Variants in PAX7 observed in about 807,000 individuals in gnomAD.
The protein encoded by PAX7 is paired box protein Pax-7.
A neutral mutation model predicts 50.7 loss-of-function variants in PAX7; 18 were observed. The ratio of observed to expected loss-of-function variants is 0.36; its 90% CI spans 0.25 to 0.53. PAX7 has a LOEUF of 0.53. PAX7 is among the 20% of genes least tolerant of loss of function. The pLI is 0.93. For synonymous variants in PAX7, 310 were observed against 290.4 expected (o/e 1.07, Z -0.69); for missense variants, 644 against 702.9 (o/e 0.92, Z 0.95).
chr1:18,700,577 C>A lies in PAX7; in HGVS notation c.787-76C>A. On this transcript the variant is annotated intron_variant, in intron 5 of 8. Transcript: ENST00000420770. The surrounding 1 kb of genome is among the most constrained non-coding windows in gnomAD (Gnocchi z 4.8). ...GATCAGAGGGTGATGGCTTGGGCAA[C>A]TGGGTCTACATGTGTTGCAGCTCTC... The A allele has an allele frequency of 7.4e-7, 1 of 1,356,270 alleles. No homozygotes were observed. The highest frequency in any genetic ancestry group is 9.8e-7 in the Non-Finnish European group (1 of 1,019,650). The allele number at this position is 1,356,270 out of a possible 1,614,324, so 84.0% of individuals were successfully genotyped here.
rs66600721 is a variant in PAX7 at position 18,700,077 on chromosome 1, CGTGTGTGTGTGTGTGTGTGT to C, written c.787-555_787-536del. 1.4e-5 allele frequency among the ~76,000 whole-genome samples: 2 copies of C among 145,668 alleles called. No individual in the cohort carries two copies. The highest frequency in any genetic ancestry group is 5.0e-5 in the African/African-American group (2 of 39,626). ...TTATCCCACTAATGTTTGATAAATC[CGTGTGTGTGTGTGTGTGTGT>C]GTGTGTGTGTGTGTGTGTGTTTCCT... is the stretch of plus-strand genomic sequence containing the variant. On this transcript the variant is annotated intron_variant, in intron 5 of 8. Coordinates refer to ENST00000420770, the MANE Select transcript of PAX7 (RefSeq NM_001135254.2). This position sits in a 1 kb window ranked among gnomAD's most constrained non-coding sequence, Gnocchi z 4.8.
chr1:18,729,849 T>A (rs945021641), intron 7 of PAX7, among the ~76,000 whole-genome samples: 1 of 152,190 alleles, frequency 6.6e-6, no homozygotes, highest in Non-Finnish European at 1.5e-5. Flanking sequence ...CCCCAGCTTC[T>A]GCGTGGGGAC....
intron 7 of PAX7, among the ~76,000 whole-genome samples, chr1:18,732,852 G>T: frequency 6.6e-6 from 1 of 152,072 alleles, no homozygotes. Flanking sequence ...ATCCCATCCG[G>T]GCTTGGCATC....
In PAX7 at chr1:18,651,505, C is replaced by T. The variant is rs188566791; in HGVS notation, c.586+15134C>T. Among the ~76,000 whole-genome samples the T allele has an allele frequency of 5.9e-5, 9 of 152,244 alleles. No homozygotes were observed. The East Asian group carries it at 1.7e-3, about 29-fold the overall frequency. Reference sequence around the variant, plus strand: ...AGATTTATACAGTGATATCTAGATACGTCTCTCTATCTAGATCTACCTATC... The same window carrying T: ...AGATTTATACAGTGATATCTAGATATGTCTCTCTATCTAGATCTACCTATC... On this transcript the variant is annotated intron_variant, in intron 4 of 8. Transcript: ENST00000420770.
At chr1:18,703,793 C>T (rs968434776) in intron 7 of PAX7, among the ~76,000 whole-genome samples, 12 of 152,122 alleles carry the variant, frequency 7.9e-5, no homozygotes, top group Non-Finnish European at 1.6e-4. Flanking sequence ...TCCCAAATAT[C>T]CGTGGGGGAA....
chr1:18,708,113 A>C (rs998174744), intron 7 of PAX7, among the ~76,000 whole-genome samples: 2 of 152,076 alleles, frequency 1.3e-5, no homozygotes, highest in Non-Finnish European at 2.9e-5. Flanking sequence ...CCTTCTGAAG[A>C]GATGTAGGGA....
Position 18,747,122 on chromosome 1 carries a change from G to T in PAX7, c.*2193G>T, listed in dbSNP as rs1931475026. 8.7e-6 allele frequency: 2 copies of T among 229,250 alleles called. No homozygotes were observed. The highest frequency in any genetic ancestry group is 1.1e-4 in the Admixed American group (2 of 17,648). 14.2% of individuals were successfully genotyped at this position (229,250 alleles called of 1,614,324 possible). A position where few individuals can be genotyped will look rare whatever the true frequency, so the allele number is the denominator to read the frequency against. On this transcript the variant is annotated 3_prime_UTR_variant, in exon 9 of 9. Transcript: ENST00000420770. ...ACTCGTCATCCACATTCCTTGAATG[G>T]CCAATCCTTCCATCTGGAGGCCTGG...
At chr1:18,647,950 G>A (rs1278803166) in intron 4 of PAX7, among the ~76,000 whole-genome samples, 1 of 152,212 alleles carries the variant, frequency 6.6e-6, no homozygotes, top group Non-Finnish European at 1.5e-5. Context: ...TCATTCAGCA[G>A]AAGGTCAAGA....
chr1:18,650,072 G>A (rs181117981), intron 4 of PAX7, among the ~76,000 whole-genome samples: 2 of 152,308 alleles, frequency 1.3e-5, no homozygotes, highest in South Asian at 2.1e-4. Context: ...AGGAAACTCC[G>A]GGGAGGCAGG....
intron 8 of PAX7, 194 bp downstream of exon 8, chr1:18,736,072 C>G: frequency 1.9e-6 from 2 of 1,046,144 alleles, no homozygotes; most frequent in Non-Finnish European, 2.9e-6. Flanking sequence ...CCCAGGACAT[C>G]TCCTGGCTAA....
chr1:18,688,079 T>C (rs1570172597), intron 4 of PAX7, among the ~76,000 whole-genome samples: 1 of 152,332 alleles, frequency 6.6e-6, no homozygotes. Flanking sequence ...GGTCCTTTGC[T>C]AACTGCAGTC....
In PAX7 at chr1:18,680,338, T is replaced by C. The variant is rs1020591625; in HGVS notation, c.587-11416T>C. Among the ~76,000 whole-genome samples, 3 of 151,970 alleles carry C rather than the reference T, an allele frequency of 2.0e-5. No individual in the cohort carries two copies. In the East Asian group the frequency reaches 5.8e-4, roughly 29 times the overall value. ...CAGCAGGTCATGGATGAGCCCAGAGTGCCAACTCCCCACCTGCCAGGCTTC... is the reference window on the plus strand; with the variant it reads ...CAGCAGGTCATGGATGAGCCCAGAGCGCCAACTCCCCACCTGCCAGGCTTC... On this transcript the variant is annotated intron_variant, in intron 4 of 8. Transcript: ENST00000420770.
intron 4 of PAX7, among the ~76,000 whole-genome samples, chr1:18,669,912 C>T (rs747586323): frequency 9.9e-5 from 15 of 151,956 alleles, no homozygotes; most frequent in Non-Finnish European, 2.2e-4. Context: ...GGTGAAACCC[C>T]GTCTCTACTA....
intron 7 of PAX7, among the ~76,000 whole-genome samples, chr1:18,714,724 TCA>T (rs2089396786): frequency 1.3e-5 from 2 of 152,056 alleles, no homozygotes; most frequent in Non-Finnish European, 2.9e-5. Context: ...TCCAGGGGAG[TCA>T]CAGCCTCCAG....
At chr1:18,688,591 T>A (rs377144360) in intron 4 of PAX7, among the ~76,000 whole-genome samples, 1 of 152,184 alleles carries the variant, frequency 6.6e-6, no homozygotes, top group African/African-American at 2.4e-5. Flanking sequence ...TAGAACTGAA[T>A]GGAGACTCAG....
intron 4 of PAX7, among the ~76,000 whole-genome samples, chr1:18,640,886 G>A (rs1264394151): frequency 6.6e-6 from 1 of 151,742 alleles, no homozygotes; most frequent in East Asian, 2.0e-4. Context: ...GTGCGGAGCT[G>A]GGAACGTCCC....
At chr1:18,718,172 G>A (rs530326619) in intron 7 of PAX7, among the ~76,000 whole-genome samples, 9 of 152,330 alleles carry the variant, frequency 5.9e-5, no homozygotes, top group South Asian at 2.1e-4. Flanking sequence ...GGAGGCACAC[G>A]TCCTGTGGAG....
rs958621487 is a variant in PAX7, at chr1:18,637,264, C to T, written c.586+893C>T. 2.0e-5 allele frequency among the ~76,000 whole-genome samples: 3 copies of T among 152,338 alleles called. No homozygotes were observed. In the East Asian group the frequency reaches 5.8e-4, roughly 29 times the overall value. ...AGGGAAAGTTTTTCCTCATTACCCC[C>T]TCCCCTTCCTCATTGCCCTCATAAT... On this transcript the variant is annotated intron_variant, in intron 4 of 8. Coordinates refer to ENST00000420770, the MANE Select transcript of PAX7 (RefSeq NM_001135254.2).
At chr1:18,739,843 C>T (rs1191706915) in intron 8 of PAX7, among the ~76,000 whole-genome samples, 2 of 152,226 alleles carry the variant, frequency 1.3e-5, no homozygotes, top group Non-Finnish European at 2.9e-5. Flanking sequence ...GGATGGGGCA[C>T]ATGGCAGATT....
Sources: gnomAD v4.1 joint callset for allele counts (sites outside exome capture counted in the v4.1 genomes callset) on GRCh38, gnomAD v4.1.1 for gene constraint, Gnocchi (gnomAD v3.1) non-coding constraint, MANE v1.5 for transcripts, NCBI Gene and HGNC (gene_info 2026-07-23, HGNC 2026-07-21) for gene names.